The following STEAP2 variants were observed in gnomAD, a reference collection of about 807,000 sequenced individuals.
The protein encoded by STEAP2 is metalloreductase STEAP2.
In STEAP2, 30 loss-of-function variants were observed where a neutral mutation model predicts 46.4. That is an observed-to-expected ratio of 0.65 (90% CI 0.48 to 0.88). STEAP2 has a LOEUF of 0.88. STEAP2 is among the 40% of genes least tolerant of loss of function. The pLI is 0.00. For synonymous variants in STEAP2, 180 were observed against 200.5 expected, an observed-to-expected ratio of 0.90 and a Z score of 0.86; for missense variants, 513 against 579.3, an observed-to-expected ratio of 0.89 and a Z score of 1.18.
At chr7:90,232,211 C>A (rs1458535819) in intron 5 of STEAP2, 126 bp from the exon 6 acceptor site, 4 of 1,197,124 alleles carry the variant, frequency 3.3e-6, no homozygotes, top group Non-Finnish European at 4.3e-6. Context: ...CAAAGGTTAA[C>A]TTGATAATTT....
At position 90,225,276 on chromosome 7, in the gene STEAP2, T is replaced by A. The variant is rs775987044; in HGVS notation, c.194T>A (p.Phe65Tyr). 9.9e-6 allele frequency: 16 copies of A among 1,613,896 alleles called. No homozygotes were observed. Among genetic ancestry groups the A allele is most frequent in the African/African-American group, 2.7e-5 (2 of 74,908 alleles). ...HVVIGSRNPK[F>Y]ASEFFPHVVD... ...GTCATAGGAAGTAGAAATCCTAAGT[T>A]TGCTTCTGAATTTTTTCCTCATGTG... is the stretch of plus-strand genomic sequence containing the variant. The change falls in exon 3 of 6, where the codon TTT becomes TAT. Residue 65 changes from phenylalanine (F) to tyrosine (Y), a missense_variant. Phe to Tyr is a conservative substitution (Grantham distance 22, BLOSUM62 3). Transcript: ENST00000394621.
At position 90,235,129 on chromosome 7, in the gene STEAP2, C is replaced by CA. The variant is rs1307787430; in HGVS notation, c.*2506dup. 4 of 942,410 alleles carry CA rather than the reference C, an allele frequency of 4.2e-6. No individual in the cohort carries two copies. In the African/African-American group the frequency reaches 5.3e-5, roughly 13 times the overall value. The allele number at this position is 942,410 out of a possible 1,614,324, so 58.4% of individuals were successfully genotyped here. A position where few individuals can be genotyped will look rare whatever the true frequency, so the allele number is the denominator to read the frequency against. On this transcript the variant is annotated 3_prime_UTR_variant, in exon 6 of 6. Coordinates refer to ENST00000394621, the MANE Select transcript of STEAP2 (RefSeq NM_001244944.2). ...ATGACTATTAAAGCATATATTGTTG[C>CA]ATGTATATATTAAGTAGCCGATACT...
At position 90,234,744 on chromosome 7, in the gene STEAP2, G is replaced by A. The variant is rs1478761792; in HGVS notation, c.*2120G>A. Reference sequence around the variant, plus strand: ...TTCTTTTTGTATTTTTAGTAGAGACGGAGTTTCACCGTGTTAGCCAGGATG... The same window carrying A: ...TTCTTTTTGTATTTTTAGTAGAGACAGAGTTTCACCGTGTTAGCCAGGATG... On this transcript the variant is annotated 3_prime_UTR_variant, in exon 6 of 6. Coordinates refer to ENST00000394621, the MANE Select transcript of STEAP2 (RefSeq NM_001244944.2). 7 of 508,566 alleles carry A rather than the reference G, an allele frequency of 1.4e-5. No individual in the cohort carries two copies. The highest frequency in any genetic ancestry group is 6.4e-5 in the Admixed American group (1 of 15,628). The allele number at this position is 508,566 out of a possible 1,614,324, so 31.5% of individuals were successfully genotyped here. A position where few individuals can be genotyped will look rare whatever the true frequency, so the allele number is the denominator to read the frequency against.
In STEAP2 at chr7:90,234,843, C is replaced by T. The variant is rs571533434; in HGVS notation, c.*2219C>T. 14 of 984,704 alleles carry T rather than the reference C, an allele frequency of 1.4e-5. No individual in the cohort carries two copies. The South Asian group carries it at 2.8e-4, about 20-fold the overall frequency. The allele number at this position is 984,704 out of a possible 1,614,324, so 61.0% of individuals were successfully genotyped here. ...CTGGGATTACAGGTGTGAGCTACCG[C>T]GCCCGGCCTATTATCTTGTACTTTC... On this transcript the variant is annotated 3_prime_UTR_variant, in exon 6 of 6. Transcript: ENST00000394621.
intron 3 of STEAP2, 95 bp downstream of exon 3, chr7:90,225,669 T>G: frequency 9.8e-6 from 13 of 1,320,800 alleles, no homozygotes; most frequent in Non-Finnish European, 1.2e-5. Context: ...CTCTGACACT[T>G]TCCAATGATT....
At chr7:90,241,965 C>A (rs555965798), downstream of STEAP2, among the ~76,000 whole-genome samples, 5 of 152,300 alleles carry the variant, frequency 3.3e-5, no homozygotes, top group East Asian at 3.9e-4. Flanking sequence ...AGGAAACCTG[C>A]TGGCACCTTT....
downstream of STEAP2, among the ~76,000 whole-genome samples, chr7:90,241,961 CCTG>C (rs1181977832): frequency 6.6e-6 from 1 of 152,246 alleles, no homozygotes; most frequent in Middle Eastern, 3.4e-3. Flanking sequence ...CGGGAGGAAA[CCTG>C]CTGGCACCTT....
Position 90,236,526 on chromosome 7 carries a change from G to A in STEAP2, c.*3902G>A. The A allele has an allele frequency of 1.9e-6, 2 of 1,032,018 alleles. No individual in the cohort carries two copies. The highest frequency in any genetic ancestry group is 2.3e-6 in the Non-Finnish European group (2 of 858,970). 63.9% of individuals were successfully genotyped at this position (1,032,018 alleles called of 1,614,324 possible). A position where few individuals can be genotyped will look rare whatever the true frequency, so the allele number is the denominator to read the frequency against. On this transcript the variant is annotated 3_prime_UTR_variant, in exon 6 of 6. Transcript: ENST00000394621. ...GATGTACATTCAGGACAAATGATTAGCCCTAAATGAAACTGTAATAATTTC... is the reference window on the plus strand; with the variant it reads ...GATGTACATTCAGGACAAATGATTAACCCTAAATGAAACTGTAATAATTTC...
rs990295747 is a variant in STEAP2 at position 90,235,389 on chromosome 7, T to A, written c.*2765T>A. 2 of 969,528 alleles carry A rather than the reference T, an allele frequency of 2.1e-6. No individual in the cohort carries two copies. Among genetic ancestry groups the A allele is most frequent in the African/African-American group, 3.5e-5 (2 of 56,956 alleles). The allele number at this position is 969,528 out of a possible 1,614,324, so 60.1% of individuals were successfully genotyped here. A position where few individuals can be genotyped will look rare whatever the true frequency, so the allele number is the denominator to read the frequency against. On this transcript the variant is annotated 3_prime_UTR_variant, in exon 6 of 6. Coordinates refer to ENST00000394621, the MANE Select transcript of STEAP2 (RefSeq NM_001244944.2). ...AACTATGATGTTTAGTTGCTTTATT[T>A]TACCTCTATGTGATTATTTTTCTTA...
At chr7:90,222,680 A>C (rs1220487672) in intron 2 of STEAP2, among the ~76,000 whole-genome samples, 3 of 152,202 alleles carry the variant, frequency 2.0e-5, no homozygotes, top group South Asian at 2.1e-4. Context: ...GAGAGCTGAA[A>C]TACATTATGT....
intron 3 of STEAP2, 135 bp downstream of exon 3, chr7:90,225,709 A>G (rs1795461813): frequency 9.8e-7 from 1 of 1,015,726 alleles, no homozygotes; most frequent in South Asian, 1.8e-5. Flanking sequence ...TGAGCACCTG[A>G]AGATTAATGT....
chr7:90,236,632 A>G lies in STEAP2; in HGVS notation c.*4008A>G, dbSNP rs1795968719. 1.7e-6 allele frequency: 2 copies of G among 1,164,462 alleles called. No homozygotes were observed. Among genetic ancestry groups the G allele is most frequent in the Non-Finnish European group, 2.1e-6 (2 of 945,090 alleles). The allele number at this position is 1,164,462 out of a possible 1,614,324, so 72.1% of individuals were successfully genotyped here. The stretch of plus-strand genomic sequence containing the variant: ...GGTTCTTCACTTTTTTTTTAGTATG[A>G]GAAAATTATACAGTGCTTAATTTTC... On this transcript the variant is annotated 3_prime_UTR_variant, in exon 6 of 6. Coordinates refer to ENST00000394621, the MANE Select transcript of STEAP2 (RefSeq NM_001244944.2).
intron 5 of STEAP2, among the ~76,000 whole-genome samples, chr7:90,232,041 T>C (rs191402419): frequency 6.6e-6 from 1 of 152,010 alleles, no homozygotes; most frequent in African/African-American, 2.4e-5. Context: ...ATTTTCATAT[T>C]TAATGACATG....
Position 90,236,706 on chromosome 7 carries a change from T to C in STEAP2, c.*4082T>C, listed in dbSNP as rs17863960. 1.4e-3 allele frequency: 1,951 copies of C among 1,397,662 alleles called. 4 individuals are homozygous for C. The highest frequency in any genetic ancestry group is 2.4e-3 in the Middle Eastern group (9 of 3,776). The allele number at this position is 1,397,662 out of a possible 1,614,324, so 86.6% of individuals were successfully genotyped here. A position where few individuals can be genotyped will look rare whatever the true frequency, so the allele number is the denominator to read the frequency against. On this transcript the variant is annotated 3_prime_UTR_variant, in exon 6 of 6. Transcript: ENST00000394621. ...AAAAAATGTTTTGTTCAGCCTAACATACTGAGTTTTTTTTAACTTTCTAAA... is the reference window on the plus strand; with the variant it reads ...AAAAAATGTTTTGTTCAGCCTAACACACTGAGTTTTTTTTAACTTTCTAAA...
intron 1 of STEAP2, chr7:90,215,839 G>C (rs986554871): frequency 1.3e-5 from 2 of 152,100 alleles, no homozygotes; most frequent in African/African-American, 4.8e-5. Context: ...GCCCAGGCTG[G>C]AGTCCAGTGG....
chr7:90,236,614 C>A lies in STEAP2; in HGVS notation c.*3990C>A. 1.8e-6 allele frequency: 2 copies of A among 1,140,348 alleles called. No individual in the cohort carries two copies. Among genetic ancestry groups the A allele is most frequent in the Non-Finnish European group, 2.2e-6 (2 of 929,398 alleles). 70.6% of individuals were successfully genotyped at this position (1,140,348 alleles called of 1,614,324 possible). A position where few individuals can be genotyped will look rare whatever the true frequency, so the allele number is the denominator to read the frequency against. ...ATTTTACATGAATGAATGGGTTCTT[C>A]ACTTTTTTTTTAGTATGAGAAAATT... On this transcript the variant is annotated 3_prime_UTR_variant, in exon 6 of 6. Transcript: ENST00000394621.
chr7:90,227,092 C>G lies in STEAP2; in HGVS notation c.614C>G (p.Pro205Arg). 1 of 1,613,716 alleles carries G rather than the reference C, an allele frequency of 6.2e-7. No homozygotes were observed. Among genetic ancestry groups the G allele is most frequent in the Non-Finnish European group, 8.5e-7 (1 of 1,179,800 alleles). ...LSSAREIENLPLRLFTLWRGP... is the reference protein window; with the variant it reads ...LSSAREIENLRLRLFTLWRGP... ...TCAGCCAGAGAGATTGAAAATTTAC[C>G]CCTACGACTCTTTACTCTCTGGAGA... Residue 205 changes from proline (P) to arginine (R), a missense_variant, in exon 4 of 6, where the codon CCC (proline) becomes CGC (arginine). By Grantham distance (103) the Pro-to-Arg change is moderately radical. Transcript: ENST00000394621.
intron 5 of STEAP2, 132 bp downstream of exon 5, chr7:90,230,168 C>T: frequency 6.7e-7 from 1 of 1,487,364 alleles, no homozygotes. Context: ...ATACATTATG[C>T]TGGAAGCCAG....
chr7:90,240,114 A>T (rs1424416917), downstream of STEAP2, among the ~76,000 whole-genome samples: 8 of 152,070 alleles, frequency 5.3e-5, no homozygotes, highest in Non-Finnish European at 1.2e-4. This position sits in a 1 kb window ranked among gnomAD's most constrained non-coding sequence, Gnocchi z 4.1. Context: ...TCTACAAAAA[A>T]CAACAAAAAT....
Sources: allele counts gnomAD v4.1 joint callset (sites outside exome capture counted in the v4.1 genomes callset), GRCh38; gene constraint gnomAD v4.1.1; non-coding constraint Gnocchi (gnomAD v3.1); transcripts MANE v1.5; gene names NCBI Gene and HGNC (gene_info 2026-07-23, HGNC 2026-07-21).